Variants in ENTREP2 observed in about 807,000 individuals in gnomAD.
The protein encoded by ENTREP2 is endosomal transmembrane epsin interactor 2, also known as protein ENTREP2.
the ENTREP2 span, among the ~76,000 whole-genome samples, chr15:29,540,794 A>G: frequency 1.3e-5 from 2 of 152,188 alleles, no homozygotes; most frequent in African/African-American, 4.8e-5. Flanking sequence ...ATCTGCACCA[A>G]CCAGGGATCA....
the ENTREP2 span, chr15:29,269,327 A>T: frequency 3.1e-6 from 5 of 1,614,142 alleles, 1 homozygote; most frequent in Non-Finnish European, 4.2e-6. Context: ...GCCCGTTTGA[A>T]GAGGTCGGGG....
chr15:29,404,589 G>T, the ENTREP2 span, among the ~76,000 whole-genome samples: 1 of 151,542 alleles, frequency 6.6e-6, no homozygotes, highest in East Asian at 2.0e-4. Context: ...CCAGCTGCTC[G>T]TTAGTAAGGG....
At chr15:29,156,727 G>C in the ENTREP2 span, among the ~76,000 whole-genome samples, 1 of 152,152 alleles carries the variant, frequency 6.6e-6, no homozygotes, top group African/African-American at 2.4e-5. Context: ...GGGGAGACCG[G>C]GATGAGGGTG....
the ENTREP2 span, among the ~76,000 whole-genome samples, chr15:29,434,930 T>C: frequency 1.7e-3 from 259 of 152,308 alleles, 2 homozygotes; most frequent in African/African-American, 6.0e-3. Context: ...CTCGAGTTTC[T>C]CAAAATGGGA....
At chr15:29,557,853 C>T in the ENTREP2 span, among the ~76,000 whole-genome samples, 1 of 152,196 alleles carries the variant, frequency 6.6e-6, no homozygotes, top group African/African-American at 2.4e-5. Context: ...TGTCCCCCAA[C>T]ATTATTCCCA....
At chr15:29,213,764 G>A in the ENTREP2 span, among the ~76,000 whole-genome samples, 1 of 152,016 alleles carries the variant, frequency 6.6e-6, no homozygotes. Context: ...GCAACCTACA[G>A]AATGGGAGAA....
chr15:29,337,408 T>C, the ENTREP2 span, among the ~76,000 whole-genome samples: 1 of 152,162 alleles, frequency 6.6e-6, no homozygotes, highest in East Asian at 1.9e-4. Flanking sequence ...GCTGCCTGCC[T>C]TTTTCTGTAG....
the ENTREP2 span, among the ~76,000 whole-genome samples, chr15:29,593,258 C>T: frequency 3.3e-5 from 5 of 152,218 alleles, no homozygotes; most frequent in African/African-American, 4.8e-5. Flanking sequence ...CCCACTGTGT[C>T]ACTTGGCTCA....
the ENTREP2 span, among the ~76,000 whole-genome samples, chr15:29,354,571 G>A: frequency 6.6e-6 from 1 of 152,124 alleles, no homozygotes; most frequent in Non-Finnish European, 1.5e-5. Flanking sequence ...GAGAGGGCCT[G>A]GCTCCAAAAT....
At chr15:29,660,243 G>A in the ENTREP2 span, among the ~76,000 whole-genome samples, 1 of 152,184 alleles carries the variant, frequency 6.6e-6, no homozygotes, top group Admixed American at 6.5e-5. Flanking sequence ...CAAAATTCAA[G>A]TATTGCCAAT....
chr15:29,391,027 G>A, the ENTREP2 span, among the ~76,000 whole-genome samples: 1 of 152,054 alleles, frequency 6.6e-6, no homozygotes, highest in East Asian at 1.9e-4. Flanking sequence ...GCAGCTCTGT[G>A]CAATATTCCT....
At chr15:29,286,742 T>C in the ENTREP2 span, among the ~76,000 whole-genome samples, 3 of 152,226 alleles carry the variant, frequency 2.0e-5, no homozygotes, top group Non-Finnish European at 2.9e-5. Context: ...AAGTTCCAAA[T>C]AGAAGAGTGA....
At chr15:29,331,107 G>A in the ENTREP2 span, among the ~76,000 whole-genome samples, 1 of 152,220 alleles carries the variant, frequency 6.6e-6, no homozygotes, top group Non-Finnish European at 1.5e-5. Flanking sequence ...TACATGTGGT[G>A]TGAGTTTTAC....
the ENTREP2 span, among the ~76,000 whole-genome samples, chr15:29,433,675 T>C: frequency 6.6e-6 from 1 of 151,702 alleles, no homozygotes; most frequent in Non-Finnish European, 1.5e-5. Context: ...TGGCAGCTGG[T>C]AGGGATTCCC....
At chr15:29,173,169 C>A in the ENTREP2 span, among the ~76,000 whole-genome samples, 1 of 152,274 alleles carries the variant, frequency 6.6e-6, no homozygotes, top group Non-Finnish European at 1.5e-5. Flanking sequence ...GGCACGTGTC[C>A]ACTCCCAGGA....
chr15:29,266,746 A>G, the ENTREP2 span: 2 of 152,216 alleles, frequency 1.3e-5, no homozygotes, highest in Non-Finnish European at 2.9e-5. Flanking sequence ...GTCATACAAC[A>G]GCCCGATAGC....
chr15:29,474,436 G>A, the ENTREP2 span, among the ~76,000 whole-genome samples: 3 of 152,088 alleles, frequency 2.0e-5, no homozygotes, highest in South Asian at 4.1e-4. Context: ...AAATGACTAC[G>A]GTTCAGGTTC....
chr15:29,248,424 G>A, the ENTREP2 span, among the ~76,000 whole-genome samples: 1 of 151,858 alleles, frequency 6.6e-6, no homozygotes, highest in Non-Finnish European at 1.5e-5. Context: ...ACAATCCAGG[G>A]AATATATTTG....
the ENTREP2 span, chr15:29,268,800 T>C: frequency 6.2e-7 from 1 of 1,605,746 alleles, no homozygotes; most frequent in Non-Finnish European, 8.5e-7. Context: ...TTCAAGAGGA[T>C]GGAGCTGGGC....
Sources: gnomAD v4.1 joint callset for allele counts (sites outside exome capture counted in the v4.1 genomes callset) on GRCh38, gnomAD v4.1.1 for gene constraint, MANE v1.5 for transcripts, NCBI Gene and HGNC (gene_info 2026-07-23, HGNC 2026-07-21) for gene names.